Variants in BICC1 observed in about 807,000 individuals in gnomAD.
BICC1 encodes BicC family RNA binding protein 1, also known as protein bicaudal C homolog 1.
BICC1 carries 43 observed loss-of-function variants against 111.0 expected under a neutral mutation model. That is an observed-to-expected ratio of 0.39 (90% CI 0.30 to 0.50). The LOEUF (loss-of-function observed/expected upper bound fraction) is 0.50, where lower values mean the gene tolerates loss of function less well. Ranked by LOEUF, BICC1 falls within the 20% of genes least tolerant of loss-of-function variation. The pLI is 0.88. For missense variants in BICC1, 1,091 were observed against 1,203.2 expected, an observed-to-expected ratio of 0.91 and a Z score of 1.38; for synonymous variants, 467 against 434.4, an observed-to-expected ratio of 1.07 and a Z score of -0.93.
intron 3 of BICC1, among the ~76,000 whole-genome samples, chr10:58,742,217 CT>C (rs1395822989): frequency 8.5e-5 from 13 of 152,124 alleles, no homozygotes; most frequent in African/African-American, 2.9e-4. Flanking sequence ...TTTCATTTTA[CT>C]TGTGTATGTT....
At chr10:58,675,369 A>G (rs1398915312) in intron 2 of BICC1, among the ~76,000 whole-genome samples, 3 of 152,190 alleles carry the variant, frequency 2.0e-5, no homozygotes, top group Admixed American at 1.3e-4. Context: ...ATAGTTAATC[A>G]AGAAGTTCTG....
At chr10:58,651,002 A>G (rs1838429422) in intron 2 of BICC1, 1 of 152,152 alleles carries the variant, frequency 6.6e-6, no homozygotes, top group South Asian at 2.1e-4. Context: ...TTTAAAGACC[A>G]AAAAACTACT....
intron 3 of BICC1, among the ~76,000 whole-genome samples, chr10:58,767,684 A>G (rs564495101): frequency 1.3e-5 from 2 of 152,296 alleles, no homozygotes; most frequent in East Asian, 1.9e-4. Flanking sequence ...TCTAAATAAA[A>G]TAAAATCAGT....
At chr10:58,524,200 C>T in intron 1 of BICC1, among the ~76,000 whole-genome samples, 1 of 152,142 alleles carries the variant, frequency 6.6e-6, no homozygotes, top group African/African-American at 2.4e-5. Flanking sequence ...GAAAAAACTA[C>T]TTTAAAGTTC....
At chr10:58,578,111 A>G (rs1189076520) in intron 1 of BICC1, among the ~76,000 whole-genome samples, 1 of 152,200 alleles carries the variant, frequency 6.6e-6, no homozygotes, top group African/African-American at 2.4e-5. Context: ...AAGTGTGTGA[A>G]GAGGTGGGTG....
chr10:58,570,753 T>G (rs1843923143), intron 1 of BICC1, among the ~76,000 whole-genome samples: 1 of 152,132 alleles, frequency 6.6e-6, no homozygotes, highest in South Asian at 2.1e-4. Context: ...AATAGGAAAT[T>G]TAACTTAAAC....
intron 2 of BICC1, among the ~76,000 whole-genome samples, chr10:58,686,147 A>T (rs1276705339): frequency 6.6e-6 from 1 of 152,204 alleles, no homozygotes; most frequent in East Asian, 1.9e-4. Flanking sequence ...TGGATATGAA[A>T]TTCTGGGTTG....
intron 1 of BICC1, among the ~76,000 whole-genome samples, chr10:58,518,198 T>C (rs1376193582): frequency 1.3e-5 from 2 of 152,324 alleles, no homozygotes; most frequent in East Asian, 3.9e-4. Flanking sequence ...CATTCATTTC[T>C]AGTATGGTTT....
intron 1 of BICC1, among the ~76,000 whole-genome samples, chr10:58,514,189 A>C (rs1842179534): frequency 6.6e-6 from 1 of 152,178 alleles, no homozygotes; most frequent in Non-Finnish European, 1.5e-5. Flanking sequence ...CCTTTCTTAA[A>C]ACAGATAATT....
chr10:58,642,845 C>T (rs1321469182), intron 2 of BICC1, among the ~76,000 whole-genome samples: 2 of 151,994 alleles, frequency 1.3e-5, no homozygotes, highest in African/African-American at 4.8e-5. Context: ...GCTGGGACTA[C>T]ATGTGTGTGC....
rs761322424 is a variant in BICC1 at position 58,800,182 on chromosome 10, T to C, written c.1726-12T>C. On this transcript the variant is annotated splice_polypyrimidine_tract_variant and intron_variant, in intron 12 of 20. Coordinates refer to ENST00000373886, the MANE Select transcript of BICC1 (RefSeq NM_001080512.3). ...GACCATATTTATACATTATTTTCTATTATTATTTTAGTCTCCAGATATAAA... is the reference window on the plus strand; with the variant it reads ...GACCATATTTATACATTATTTTCTACTATTATTTTAGTCTCCAGATATAAA... 1 of 1,561,382 alleles carries C rather than the reference T, an allele frequency of 6.4e-7. No homozygotes were observed. The highest frequency in any genetic ancestry group is 1.1e-5 in the South Asian group (1 of 87,562).
intron 1 of BICC1, among the ~76,000 whole-genome samples, chr10:58,524,138 T>C (rs1285171988): frequency 2.6e-5 from 4 of 152,192 alleles, no homozygotes; most frequent in Admixed American, 2.0e-4. Context: ...AGGTAATTTA[T>C]AGATTCAATG....
Position 58,789,730 on chromosome 10 carries a change from G to A in BICC1, c.844G>A (p.Ala282Thr). 6.2e-7 allele frequency: 1 copy of A among 1,614,108 alleles called. No homozygotes were observed. ...LEHLAGSLASAIPVSTQLDIA... is the reference protein window; with the variant it reads ...LEHLAGSLASTIPVSTQLDIA... ...ACATCTTGCTGGGAGCTTAGCATCA[G>A]CTATTCCTGTGAGCACACAACTAGA... The change falls in exon 8 of 21, where the codon GCT (alanine) becomes ACT (threonine). Residue 282 changes from alanine (A) to threonine (T), a missense_variant. By Grantham distance (58) the Ala-to-Thr change is moderately conservative. Around this residue, in one of 3 missense-constraint regions of BICC1, gnomAD observed 843 missense variants for 900.8 expected, o/e 0.94. Coordinates refer to ENST00000373886, the MANE Select transcript of BICC1 (RefSeq NM_001080512.3).
intron 8 of BICC1, among the ~76,000 whole-genome samples, chr10:58,790,410 A>G (rs908355255): frequency 9.9e-5 from 15 of 152,230 alleles, no homozygotes; most frequent in Admixed American, 3.9e-4. Context: ...AAAAAATACT[A>G]TTTAAGTCAC....
At chr10:58,563,210 T>C (rs1042811689) in intron 1 of BICC1, among the ~76,000 whole-genome samples, 5 of 152,078 alleles carry the variant, frequency 3.3e-5, no homozygotes, top group South Asian at 2.1e-4. Context: ...TGCACTCTGG[T>C]AGTAGCTCAT....
chr10:58,680,732 A>C (rs1176373889), intron 2 of BICC1, among the ~76,000 whole-genome samples: 1 of 152,244 alleles, frequency 6.6e-6, no homozygotes, highest in Admixed American at 6.5e-5. Flanking sequence ...TCTAAGCAAA[A>C]AGAACAAAGC....
chr10:58,643,918 C>T (rs1838192991), intron 2 of BICC1, among the ~76,000 whole-genome samples: 1 of 152,216 alleles, frequency 6.6e-6, no homozygotes, highest in Non-Finnish European at 1.5e-5. Flanking sequence ...ATGTCCTCAA[C>T]AGCACCTACC....
At chr10:58,707,021 C>T (rs530490489) in intron 3 of BICC1, among the ~76,000 whole-genome samples, 40 of 152,182 alleles carry the variant, frequency 2.6e-4, no homozygotes, top group African/African-American at 7.0e-4. Flanking sequence ...TGCATGATGA[C>T]TTAGGAAACC....
intron 1 of BICC1, among the ~76,000 whole-genome samples, chr10:58,529,574 A>C (rs913250771): frequency 6.6e-6 from 1 of 151,900 alleles, no homozygotes; most frequent in African/African-American, 2.4e-5. Context: ...TCATATAATG[A>C]TTTAACTTCA....
Sources: allele counts gnomAD v4.1 joint callset (sites outside exome capture counted in the v4.1 genomes callset), GRCh38; gene constraint gnomAD v4.1.1; regional missense constraint gnomAD v4.1.1; transcripts MANE v1.5; gene names NCBI Gene and HGNC (gene_info 2026-07-23, HGNC 2026-07-21).